CCDC57: variants seen among roughly 807,000 people sequenced by gnomAD.
CCDC57 encodes the protein coiled-coil domain-containing protein 57.
CCDC57 carries 118 observed loss-of-function variants against 118.9 expected under a neutral mutation model. That is an observed-to-expected ratio of 0.99 (90% CI 0.86 to 1.16). The LOEUF (loss-of-function observed/expected upper bound fraction) is 1.16, where lower values mean the gene tolerates loss of function less well. Ranked by LOEUF, CCDC57 falls within the 50% of genes most tolerant of loss-of-function variation. The pLI is 0.00. For missense variants in CCDC57, 1,300 were observed against 1,320.7 expected (o/e 0.98, Z 0.24); for synonymous variants, 527 against 532.9 (o/e 0.99, Z 0.15).
At chr17:82,179,550 G>A (rs1306364673) in intron 9 of CCDC57, among the ~76,000 whole-genome samples, 1 of 152,138 alleles carries the variant, frequency 6.6e-6, no homozygotes. Context: ...GCAGACCAGG[G>A]TGGACCCAGC....
At chr17:82,200,179 C>T (rs970527515) in intron 3 of CCDC57, among the ~76,000 whole-genome samples, 1 of 152,184 alleles carries the variant, frequency 6.6e-6, no homozygotes, top group Admixed American at 6.5e-5. Flanking sequence ...CCTGTTGGCC[C>T]GTTCACACCC....
At chr17:82,107,763 C>T (rs754768455) in intron 19 of CCDC57, 35 of 374,294 alleles carry the variant, frequency 9.4e-5, no homozygotes, top group Non-Finnish European at 1.2e-4. Context: ...AGTCGTGGAC[C>T]GGCGTCCACC....
At chr17:82,130,593 C>A (rs2038203723) in intron 17 of CCDC57, among the ~76,000 whole-genome samples, 1 of 149,570 alleles carries the variant, frequency 6.7e-6, no homozygotes, top group Non-Finnish European at 1.5e-5. Flanking sequence ...ACCTCCACCT[C>A]CTGGGTTCAA....
At chr17:82,113,606 C>G (rs1241290145) in intron 19 of CCDC57, 2 of 717,610 alleles carry the variant, frequency 2.8e-6, no homozygotes, top group African/African-American at 1.7e-5. Context: ...CCTTACCAAG[C>G]TCGCCTCCTG....
intron 7 of CCDC57, among the ~76,000 whole-genome samples, chr17:82,193,413 T>C (rs1388231487): frequency 6.6e-6 from 1 of 151,952 alleles, no homozygotes; most frequent in East Asian, 1.9e-4. Flanking sequence ...CAGGCATGGT[T>C]GTGCACGCCT....
intron 1 of CCDC57, among the ~76,000 whole-genome samples, chr17:82,211,854 C>A (rs1260834479): frequency 1.3e-5 from 2 of 152,150 alleles, no homozygotes; most frequent in African/African-American, 2.4e-5. Context: ...CTCCTGGGAA[C>A]GCGCTCGGTT....
chr17:82,159,957 C>A (rs1281190965), intron 14 of CCDC57: 1 of 151,878 alleles, frequency 6.6e-6, no homozygotes, highest in African/African-American at 2.4e-5. Flanking sequence ...GCGTGAGCCA[C>A]CTCGCCTGGC....
chr17:82,170,143 A>T (rs1018672614), intron 13 of CCDC57, among the ~76,000 whole-genome samples: 3 of 152,140 alleles, frequency 2.0e-5, no homozygotes, highest in Non-Finnish European at 2.9e-5. Context: ...CTGTATTTGG[A>T]GACAGCGCCT....
chr17:82,178,439 A>T (rs1314618283), intron 11 of CCDC57, 35 bp downstream of exon 10: 1 of 1,563,280 alleles, frequency 6.4e-7, no homozygotes. Flanking sequence ...GCTGCTGTTG[A>T]GCAAAGTTTC....
chr17:82,127,276 G>A (rs564375373), intron 19 of CCDC57: 3 of 985,232 alleles, frequency 3.0e-6, no homozygotes, highest in Non-Finnish European at 3.6e-6. Flanking sequence ...CGGGAGCATC[G>A]CTGGGGTCGA....
intron 18 of CCDC57, 21 bp downstream of exon 17, chr17:82,128,472 C>T (rs765791428): frequency 9.2e-5 from 140 of 1,523,278 alleles, no homozygotes; most frequent in Middle Eastern, 6.9e-4. Context: ...GCTGCACTTG[C>T]TCGGGCGCCG....
intron 18 of CCDC57, among the ~76,000 whole-genome samples, chr17:82,128,153 T>TA (rs1467903755): frequency 6.6e-6 from 1 of 152,080 alleles, no homozygotes; most frequent in Non-Finnish European, 1.5e-5. Flanking sequence ...TCTCAACACT[T>TA]AAATGACAAA....
At chr17:82,104,552 T>A (rs1323842995) in intron 19 of CCDC57, among the ~76,000 whole-genome samples, 1 of 152,204 alleles carries the variant, frequency 6.6e-6, no homozygotes, top group Non-Finnish European at 1.5e-5. Flanking sequence ...TTTATTTTTA[T>A]TTTTGAGACG....
chr17:82,195,441 A>G, intron 4 of CCDC57, 77 bp from the exon 4 acceptor site: 1 of 1,094,964 alleles, frequency 9.1e-7, no homozygotes, highest in South Asian at 1.3e-5. Flanking sequence ...GGGAGGTGGG[A>G]TCCAGAGGTG....
At chr17:82,151,675 G>C (rs1258657571) in exon 16 of CCDC57, 1 of 1,550,408 alleles carries the variant, frequency 6.4e-7, no homozygotes, top group Non-Finnish European at 8.7e-7. Context: ...TCTGGAGTCG[G>C]TGCATAGATA....
chr17:82,182,815 A>T (rs975514455), intron 9 of CCDC57, among the ~76,000 whole-genome samples: 2 of 151,646 alleles, frequency 1.3e-5, no homozygotes, highest in African/African-American at 4.9e-5. Context: ...CCTCTGGAGT[A>T]TCTGGGACTA....
intron 8 of CCDC57, among the ~76,000 whole-genome samples, chr17:82,186,064 C>T (rs1440919123): frequency 6.6e-6 from 1 of 151,958 alleles, no homozygotes; most frequent in African/African-American, 2.4e-5. Flanking sequence ...GATCCTCCTG[C>T]CTCAGCCTCC....
intron 16 of CCDC57, 153 bp from the exon 16 acceptor site, chr17:82,134,347 G>T: frequency 1.6e-6 from 1 of 619,560 alleles, no homozygotes; most frequent in Non-Finnish European, 2.3e-6. Flanking sequence ...CCGGACAACA[G>T]TGAACTGTGA....
intron 13 of CCDC57, among the ~76,000 whole-genome samples, chr17:82,170,490 A>G (rs937254479): frequency 1.4e-5 from 2 of 146,802 alleles, no homozygotes; most frequent in Non-Finnish European, 3.0e-5. Flanking sequence ...CCTGGGCAAC[A>G]GAGCAAGACT....
Sources: gnomAD v4.1 joint callset for allele counts (sites outside exome capture counted in the v4.1 genomes callset) on GRCh38, gnomAD v4.1.1 for gene constraint, MANE v1.5 for transcripts, NCBI Gene and HGNC (gene_info 2026-07-23, HGNC 2026-07-21) for gene names.